BMPR1B: variants seen among roughly 807,000 people sequenced by gnomAD.
The protein encoded by BMPR1B is bone morphogenetic protein receptor type-1B.
Under a neutral mutation model 59.1 loss-of-function variants are expected in BMPR1B, and 12 were observed. The ratio of observed to expected loss-of-function variants is 0.20; its 90% CI spans 0.13 to 0.33. The LOEUF is 0.33. Ranked by LOEUF, BMPR1B falls within the 10% of genes least tolerant of loss-of-function variation. The pLI, the probability that BMPR1B is intolerant of heterozygous loss-of-function variation, is 1.00. For missense variants in BMPR1B, 550 were observed against 610.9 expected, an observed-to-expected ratio of 0.90 and a Z score of 1.05; for synonymous variants, 237 against 207.3, an observed-to-expected ratio of 1.14 and a Z score of -1.23.
rs1310447386 is a variant in BMPR1B at position 94,832,206 on chromosome 4, A to G, written c.-182-43625A>G. Among the ~76,000 whole-genome samples the G allele has an allele frequency of 2.6e-5, 4 of 152,206 alleles. No individual in the cohort carries two copies. In the South Asian group the frequency reaches 6.2e-4, roughly 24 times the overall value. On this transcript the variant is annotated intron_variant, in intron 1 of 12. Transcript: ENST00000515059. ...AAAAGGTTGAGAACCGCTGGCCTAC[A>G]GTATTTAGTACAGAGAAATGGTGTA...
intron 3 of BMPR1B, among the ~76,000 whole-genome samples, chr4:95,002,450 T>C (rs533382362): frequency 6.6e-6 from 1 of 152,210 alleles, no homozygotes; most frequent in Non-Finnish European, 1.5e-5. Context: ...TATGAGTGCA[T>C]GTGTCTTTTG....
intron 1 of BMPR1B, among the ~76,000 whole-genome samples, chr4:94,773,719 A>G (rs1722269375): frequency 6.6e-6 from 1 of 152,092 alleles, no homozygotes; most frequent in Admixed American, 6.5e-5. Context: ...ATGATAAATT[A>G]GTTTCTGTGA....
At chr4:95,125,609 A>G (rs1206181870) in intron 8 of BMPR1B, among the ~76,000 whole-genome samples, 2 of 152,326 alleles carry the variant, frequency 1.3e-5, no homozygotes, top group South Asian at 2.1e-4. Context: ...AAGAGAATAT[A>G]TGAGCAAATA....
chr4:95,040,800 G>C (rs941087407), intron 3 of BMPR1B, among the ~76,000 whole-genome samples: 2 of 152,128 alleles, frequency 1.3e-5, no homozygotes, highest in Non-Finnish European at 2.9e-5. Context: ...CTTCTAGAAA[G>C]TTCTCTTGGT....
chr4:95,007,002 CTA>C (rs1396757678), intron 3 of BMPR1B, among the ~76,000 whole-genome samples: 4 of 152,160 alleles, frequency 2.6e-5, no homozygotes, highest in Non-Finnish European at 5.9e-5. Context: ...AGCAGCAACT[CTA>C]TTCCTACAAG....
intron 3 of BMPR1B, among the ~76,000 whole-genome samples, chr4:95,073,770 A>T (rs1728496778): frequency 6.6e-6 from 1 of 152,220 alleles, no homozygotes; most frequent in Admixed American, 6.6e-5. Context: ...GCCACTTTAA[A>T]GTCTTACTGT....
At chr4:95,111,127 A>G (rs1731600661) in intron 4 of BMPR1B, among the ~76,000 whole-genome samples, 3 of 152,168 alleles carry the variant, frequency 2.0e-5, no homozygotes, top group African/African-American at 7.2e-5. Flanking sequence ...AAAACTGTTA[A>G]TCTTTCCAGC....
chr4:94,789,636 A>G (rs1476486021), intron 1 of BMPR1B, among the ~76,000 whole-genome samples: 2 of 152,222 alleles, frequency 1.3e-5, no homozygotes, highest in African/African-American at 2.4e-5. Context: ...TTAGCAAAAA[A>G]CCATAAAGCA....
intron 3 of BMPR1B, among the ~76,000 whole-genome samples, chr4:95,030,880 G>C (rs1053337902): frequency 3.3e-5 from 5 of 152,196 alleles, no homozygotes; most frequent in African/African-American, 7.2e-5. Flanking sequence ...AGGATACAAA[G>C]AAATGGAAGA....
chr4:94,795,596 T>G (rs1282958358), intron 1 of BMPR1B, among the ~76,000 whole-genome samples: 1 of 152,112 alleles, frequency 6.6e-6, no homozygotes, highest in Non-Finnish European at 1.5e-5. Flanking sequence ...CCTGAGTGGC[T>G]GGGATTATAG....
chr4:95,108,280 A>G (rs1163402289), intron 4 of BMPR1B, among the ~76,000 whole-genome samples: 1 of 152,086 alleles, frequency 6.6e-6, no homozygotes, highest in Admixed American at 6.6e-5. Flanking sequence ...ATGCTACACT[A>G]AGTATTACCC....
chr4:95,087,050 G>A (rs1474119994), intron 3 of BMPR1B, among the ~76,000 whole-genome samples: 52 of 129,934 alleles, frequency 4.0e-4, no homozygotes, highest in Non-Finnish European at 7.7e-5. Flanking sequence ...TGTCACCCAG[G>A]CTGGAGTGCA....
At chr4:94,810,442 TA>T (rs1317508465) in intron 1 of BMPR1B, among the ~76,000 whole-genome samples, 1 of 152,274 alleles carries the variant, frequency 6.6e-6, no homozygotes, top group East Asian at 1.9e-4. Context: ...TTTCTGGAAT[TA>T]AAAAATCGGT....
At chr4:95,027,237 T>G (rs1724491856) in intron 3 of BMPR1B, among the ~76,000 whole-genome samples, 1 of 152,192 alleles carries the variant, frequency 6.6e-6, no homozygotes, top group Non-Finnish European at 1.5e-5. Context: ...AGAACTTGTT[T>G]CCCAATTAGC....
intron 1 of BMPR1B, among the ~76,000 whole-genome samples, chr4:94,763,360 T>C (rs1721851598): frequency 6.6e-6 from 1 of 152,192 alleles, no homozygotes; most frequent in African/African-American, 2.4e-5. Flanking sequence ...CCTTGCAAAG[T>C]GCTAGGACAT....
At chr4:95,047,258 C>A (rs1479192512) in intron 3 of BMPR1B, among the ~76,000 whole-genome samples, 1 of 152,194 alleles carries the variant, frequency 6.6e-6, no homozygotes, top group Non-Finnish European at 1.5e-5. Flanking sequence ...CTCTCCCTTT[C>A]CATAATGCCA....
intron 3 of BMPR1B, among the ~76,000 whole-genome samples, chr4:95,032,931 C>T (rs1281872908): frequency 6.6e-6 from 1 of 152,146 alleles, no homozygotes; most frequent in African/African-American, 2.4e-5. Context: ...CACTATTTTA[C>T]ATTTCCTCCA....
At chr4:94,826,307 G>A (rs1487003798) in intron 1 of BMPR1B, among the ~76,000 whole-genome samples, 2 of 152,200 alleles carry the variant, frequency 1.3e-5, no homozygotes, top group Non-Finnish European at 2.9e-5. Flanking sequence ...CGGGGATATT[G>A]CAGATGTTAT....
chr4:94,789,299 C>T (rs938182701), intron 1 of BMPR1B, among the ~76,000 whole-genome samples: 2 of 152,188 alleles, frequency 1.3e-5, no homozygotes, highest in African/African-American at 4.8e-5. Flanking sequence ...GAATGGTCAA[C>T]GTTGAGTGCT....
Sources: allele counts gnomAD v4.1 joint callset (sites outside exome capture counted in the v4.1 genomes callset), GRCh38; gene constraint gnomAD v4.1.1; transcripts MANE v1.5; gene names NCBI Gene and HGNC (gene_info 2026-07-23, HGNC 2026-07-21).